FXYD6: variants seen among roughly 807,000 people sequenced by gnomAD.
The protein encoded by FXYD6 is FXYD domain-containing ion transport regulator 6.
FXYD6 carries 7 observed loss-of-function variants against 16.7 expected under a neutral mutation model. The observed-to-expected ratio is 0.42, with a 90% confidence interval of 0.24 to 0.79. The LOEUF (loss-of-function observed/expected upper bound fraction) is 0.79, where lower values mean the gene tolerates loss of function less well. FXYD6 is among the 30% of genes least tolerant of loss of function. The pLI is 0.28. For synonymous variants in FXYD6, 49 were observed against 43.0 expected (o/e 1.14, Z -0.54); for missense variants, 111 against 116.2 (o/e 0.95, Z 0.21).
rs1032101229 is a variant in FXYD6 at position 117,838,048 on chromosome 11, C to T, written c.*251G>A. On this transcript the variant is annotated 3_prime_UTR_variant, in exon 8 of 8. Transcript: ENST00000526014. ...GTTAGCAAACACACACAGTCACACA[C>T]ACACACACACACACACACATCACGG... The T allele has an allele frequency of 1.3e-4, 85 of 640,534 alleles. No individual in the cohort carries two copies. The African/African-American group carries it at 1.4e-3, about 11-fold the overall frequency. 39.7% of individuals were successfully genotyped at this position (640,534 alleles called of 1,614,324 possible).
intron 1 of FXYD6, among the ~76,000 whole-genome samples, chr11:117,871,708 T>C (rs2134213311): frequency 6.6e-6 from 1 of 152,332 alleles, no homozygotes; most frequent in South Asian, 2.1e-4. Context: ...CAGCAGCTGA[T>C]ATCTCCTGAG....
chr11:117,851,347 A>G (rs2056607294), intron 1 of FXYD6, among the ~76,000 whole-genome samples: 1 of 152,180 alleles, frequency 6.6e-6, no homozygotes, highest in South Asian at 2.1e-4. Flanking sequence ...CCATGTCTTA[A>G]GGATATTCAG....
intron 1 of FXYD6, chr11:117,844,313 A>C (rs2056424251): frequency 1.3e-5 from 2 of 152,148 alleles, no homozygotes; most frequent in South Asian, 4.1e-4. Context: ...TATGTATAAA[A>C]ATATATGTAA....
intron 1 of FXYD6, among the ~76,000 whole-genome samples, chr11:117,842,984 A>G (rs577017595): frequency 2.6e-5 from 4 of 151,890 alleles, no homozygotes; most frequent in Non-Finnish European, 5.9e-5. Context: ...CCCAGGCTAG[A>G]GCGTAGTGGC....
At chr11:117,839,363 G>T (rs2056281163) in intron 7 of FXYD6, 1 of 195,614 alleles carries the variant, frequency 5.1e-6, no homozygotes. Flanking sequence ...TCTACTTTTG[G>T]TTAGGGTTGG....
intron 1 of FXYD6, among the ~76,000 whole-genome samples, chr11:117,866,333 G>A (rs1024328871): frequency 6.6e-6 from 1 of 152,092 alleles, no homozygotes; most frequent in Non-Finnish European, 1.5e-5. Flanking sequence ...AAAAACTGGG[G>A]GGGAAATGGG....
chr11:117,841,945 G>C (rs768234675), intron 3 of FXYD6, 45 bp downstream of exon 3: 1 of 1,614,018 alleles, frequency 6.2e-7, no homozygotes, highest in East Asian at 2.2e-5. Flanking sequence ...GCCAGGCAGG[G>C]CTGCATTCCC....
chr11:117,862,143 C>T (rs1003595943), intron 1 of FXYD6, among the ~76,000 whole-genome samples: 4 of 152,218 alleles, frequency 2.6e-5, no homozygotes, highest in African/African-American at 9.6e-5. Context: ...AAGAAAGAGG[C>T]TTCGAGACGG....
chr11:117,847,124 G>C (rs1021746745), intron 1 of FXYD6, among the ~76,000 whole-genome samples: 2 of 152,034 alleles, frequency 1.3e-5, no homozygotes, highest in Non-Finnish European at 1.5e-5. Context: ...CATTTTTATT[G>C]CTGCTTTCAA....
chr11:117,844,214 C>CA (rs1161643290), intron 1 of FXYD6: 4 of 152,412 alleles, frequency 2.6e-5, no homozygotes, highest in African/African-American at 9.7e-5. Flanking sequence ...AACCTTGATT[C>CA]AAAAAGCCTT....
intron 1 of FXYD6, among the ~76,000 whole-genome samples, chr11:117,864,980 C>T (rs2056984926): frequency 6.6e-6 from 1 of 152,170 alleles, no homozygotes; most frequent in South Asian, 2.1e-4. Context: ...ATTTTCAAAT[C>T]ATACATCTGC....
At chr11:117,874,685 A>T (rs1478571330) in intron 1 of FXYD6, among the ~76,000 whole-genome samples, 1 of 152,210 alleles carries the variant, frequency 6.6e-6, no homozygotes, top group African/African-American at 2.4e-5. Context: ...TCTGCTGGTG[A>T]GGATGACTCC....
At position 117,858,701 on chromosome 11, in the gene FXYD6, T is replaced by TTCTTTC. The variant is rs781138003; in HGVS notation, c.-5-15921_-5-15920insGAAAGA. ...TTTCTTTCTTTCTTTCTTTCTTTCT[T>TTCTTTC]TCTCTCTCTCTCTCCTTCCTTCCCT... On this transcript the variant is annotated intron_variant, in intron 1 of 7. Coordinates refer to ENST00000526014, the MANE Select transcript of FXYD6 (RefSeq NM_022003.4). Among the ~76,000 whole-genome samples, 249 of 58,250 alleles carry TTCTTTC rather than the reference T, an allele frequency of 4.3e-3. 3 individuals are homozygous for TTCTTTC. Among genetic ancestry groups the TTCTTTC allele is most frequent in the East Asian group, 0.018 (39 of 2,204 alleles). 38.2% of individuals were successfully genotyped at this position (58,250 alleles called of 152,430 possible). A position where few individuals can be genotyped will look rare whatever the true frequency, so the allele number is the denominator to read the frequency against.
At chr11:117,839,860 G>A in intron 6 of FXYD6, 30 bp from the exon 7 acceptor site, 1 of 1,614,092 alleles carries the variant, frequency 6.2e-7, no homozygotes, top group Non-Finnish European at 8.5e-7. Context: ...GGATTATAGT[G>A]TATAGACTCC....
chr11:117,866,150 G>T (rs1410068213), intron 1 of FXYD6, among the ~76,000 whole-genome samples: 1 of 152,146 alleles, frequency 6.6e-6, no homozygotes, highest in Non-Finnish European at 1.5e-5. Flanking sequence ...GGGGGGAAAT[G>T]GGGAGTGAGT....
At chr11:117,848,059 A>C (rs551734114) in intron 1 of FXYD6, among the ~76,000 whole-genome samples, 6 of 152,292 alleles carry the variant, frequency 3.9e-5, no homozygotes, top group South Asian at 2.1e-4. Context: ...CGCCATTCTA[A>C]CTGGTGTGAG....
chr11:117,846,503 T>C (rs114826135), intron 1 of FXYD6, among the ~76,000 whole-genome samples: 3,227 of 152,324 alleles, frequency 0.021, 113 homozygotes, highest in African/African-American at 0.074. Flanking sequence ...GGTTTTGTCT[T>C]TTACATTTAA....
chr11:117,856,949 G>A (rs576645765), intron 1 of FXYD6, among the ~76,000 whole-genome samples: 1 of 152,354 alleles, frequency 6.6e-6, no homozygotes, highest in South Asian at 2.1e-4. Context: ...GGGCAGAACA[G>A]GGCTGGCAGA....
In FXYD6 at chr11:117,842,044, G is replaced by A. The variant is rs994308620; in HGVS notation, c.59-16C>T. The A allele has an allele frequency of 6.2e-7, 1 of 1,614,118 alleles. No individual in the cohort carries two copies. The highest frequency in any genetic ancestry group is 8.5e-7 in the Non-Finnish European group (1 of 1,180,024). Reference sequence around the variant, plus strand: ...TTTTCAGCTGCTGCAAAAACAAACAGTTGGTCAAGAGAAAGAAAGCTACAC... The same window carrying A: ...TTTTCAGCTGCTGCAAAAACAAACAATTGGTCAAGAGAAAGAAAGCTACAC... On this transcript the variant is annotated splice_polypyrimidine_tract_variant and intron_variant, in intron 2 of 7. Transcript: ENST00000526014.
Sources: allele counts gnomAD v4.1 joint callset (sites outside exome capture counted in the v4.1 genomes callset), GRCh38; gene constraint gnomAD v4.1.1; transcripts MANE v1.5; gene names NCBI Gene and HGNC (gene_info 2026-07-23, HGNC 2026-07-21).